The following RAPGEF5 variants were observed in gnomAD, a reference collection of about 807,000 sequenced individuals.
The protein encoded by RAPGEF5 is Rap guanine nucleotide exchange factor 5.
Under a neutral mutation model 125.2 loss-of-function variants are expected in RAPGEF5, and 65 were observed. That is an observed-to-expected ratio of 0.52 (90% CI 0.43 to 0.64). The LOEUF (loss-of-function observed/expected upper bound fraction) is 0.64, where lower values mean the gene tolerates loss of function less well. Ranked by LOEUF, RAPGEF5 falls within the 30% of genes least tolerant of loss-of-function variation. The probability of loss-of-function intolerance (pLI) is 0.00; values close to 1 mark genes in which losing one functional copy is unlikely to be tolerated. For missense variants in RAPGEF5, 958 were observed against 1,048.1 expected, an observed-to-expected ratio of 0.91 and a Z score of 1.19; for synonymous variants, 391 against 385.9, an observed-to-expected ratio of 1.01 and a Z score of -0.16.
At chr7:22,147,544 AT>A (rs1463412234) in intron 18 of RAPGEF5, among the ~76,000 whole-genome samples, 1 of 152,244 alleles carries the variant, frequency 6.6e-6, no homozygotes, top group Non-Finnish European at 1.5e-5. Context: ...TTAACATGAA[AT>A]AAAAAATAGA....
chr7:22,298,894 A>G (rs1373292199), intron 5 of RAPGEF5, among the ~76,000 whole-genome samples: 2 of 152,150 alleles, frequency 1.3e-5, no homozygotes, highest in African/African-American at 4.8e-5. Flanking sequence ...ATGATCACAT[A>G]GTTGTTCATA....
intron 15 of RAPGEF5, 65 bp downstream of exon 15, chr7:22,157,789 CA>C: frequency 6.6e-7 from 1 of 1,514,096 alleles, no homozygotes; most frequent in Non-Finnish European, 9.2e-7. Flanking sequence ...TGAAACACGC[CA>C]AGGGAGGCAA....
At chr7:22,259,928 A>G (rs1356623175) in intron 7 of RAPGEF5, among the ~76,000 whole-genome samples, 2 of 152,184 alleles carry the variant, frequency 1.3e-5, no homozygotes, top group African/African-American at 4.8e-5. Context: ...TACTGAAAAT[A>G]CAAAAATTAC....
At chr7:22,269,667 T>C (rs2128142404) in intron 6 of RAPGEF5, among the ~76,000 whole-genome samples, 1 of 152,368 alleles carries the variant, frequency 6.6e-6, no homozygotes, top group Non-Finnish European at 1.5e-5. Flanking sequence ...GTTAGGTTTA[T>C]ATGAAACTGA....
At chr7:22,167,498 G>GTGT (rs1784208478) in intron 11 of RAPGEF5, among the ~76,000 whole-genome samples, 1 of 152,096 alleles carries the variant, frequency 6.6e-6, no homozygotes, top group African/African-American at 2.4e-5. Context: ...AATTTTACAA[G>GTGT]ACTTCTGAGG....
intron 6 of RAPGEF5, among the ~76,000 whole-genome samples, chr7:22,271,154 C>G (rs749626136): frequency 3.3e-5 from 5 of 152,158 alleles, no homozygotes; most frequent in African/African-American, 4.8e-5. Flanking sequence ...TCAAACTTGA[C>G]TGCACATTAG....
At position 22,337,480 on chromosome 7, in the gene RAPGEF5, C is replaced by T. The variant is rs74465176; in HGVS notation, c.231+19350G>A. ...AACGGCTGATAATTGGTTAACTATA[C>T]CTACATCTTAGCAGAATTCAGGACC... On this transcript the variant is annotated intron_variant, in intron 1 of 25. Transcript: ENST00000665637. 9.7e-3 allele frequency among the ~76,000 whole-genome samples: 1,473 copies of T among 152,276 alleles called. 10 individuals carry two copies. Among genetic ancestry groups the T allele is most frequent in the Non-Finnish European group, 0.015 (1,009 of 68,026 alleles).
intron 8 of RAPGEF5, among the ~76,000 whole-genome samples, chr7:22,224,607 A>G (rs548895135): frequency 6.6e-6 from 1 of 152,092 alleles, no homozygotes; most frequent in Non-Finnish European, 1.5e-5. Flanking sequence ...TCTGCTCCCC[A>G]GTATGGCCCT....
Position 22,286,329 on chromosome 7 carries a change from T to C in RAPGEF5, c.747+4846A>G, listed in dbSNP as rs150425830. 3.3e-3 allele frequency among the ~76,000 whole-genome samples: 500 copies of C among 152,326 alleles called. 4 individuals carry two copies. Among genetic ancestry groups the C allele is most frequent in the African/African-American group, 0.011 (455 of 41,576 alleles). ...CCTCCCACATACCCATCTTACCAAA[T>C]AGGCATCTAATATAAATAATGCACA... On this transcript the variant is annotated intron_variant, in intron 6 of 25. Transcript: ENST00000665637.
At chr7:22,261,101 G>A (rs781084911) in intron 7 of RAPGEF5, among the ~76,000 whole-genome samples, 44 of 152,104 alleles carry the variant, frequency 2.9e-4, no homozygotes, top group African/African-American at 9.4e-4. Context: ...AGTCCTAAAC[G>A]TGAAAAACAA....
At chr7:22,214,658 A>G (rs1283843292) in intron 9 of RAPGEF5, among the ~76,000 whole-genome samples, 1 of 152,064 alleles carries the variant, frequency 6.6e-6, no homozygotes, top group Non-Finnish European at 1.5e-5. Context: ...CGACTGGGCA[A>G]GCACCTTTTC....
At chr7:22,301,774 T>G (rs1783211066) in intron 5 of RAPGEF5, among the ~76,000 whole-genome samples, 1 of 152,226 alleles carries the variant, frequency 6.6e-6, no homozygotes, top group Non-Finnish European at 1.5e-5. Context: ...GAGCTGAATA[T>G]TCCACACAGT....
intron 9 of RAPGEF5, among the ~76,000 whole-genome samples, chr7:22,215,859 A>G (rs1428369011): frequency 1.3e-5 from 2 of 152,212 alleles, no homozygotes; most frequent in African/African-American, 4.8e-5. Flanking sequence ...AACCCCACCT[A>G]ACAATCTGTC....
chr7:22,352,265 T>C (rs1258122284), intron 1 of RAPGEF5, among the ~76,000 whole-genome samples: 1 of 152,054 alleles, frequency 6.6e-6, no homozygotes, highest in Non-Finnish European at 1.5e-5. Flanking sequence ...GTTCTTTTAT[T>C]AGGGGGAAAA....
chr7:22,301,158 A>T (rs532713062), intron 5 of RAPGEF5, among the ~76,000 whole-genome samples: 26 of 152,360 alleles, frequency 1.7e-4, no homozygotes, highest in Middle Eastern at 6.8e-3. Context: ...AGCTGTAATC[A>T]ATACAAGAGA....
At chr7:22,147,672 T>C (rs1783487936) in intron 18 of RAPGEF5, among the ~76,000 whole-genome samples, 1 of 152,238 alleles carries the variant, frequency 6.6e-6, no homozygotes, top group Admixed American at 6.5e-5. Flanking sequence ...AGATATGGCA[T>C]AAAAGTATTA....
chr7:22,159,622 CT>C (rs769481452), intron 14 of RAPGEF5, among the ~76,000 whole-genome samples: 209 of 152,268 alleles, frequency 1.4e-3, no homozygotes, highest in Middle Eastern at 6.8e-3. Context: ...TTGATGTTTT[CT>C]TTTACCAAAA....
At chr7:22,201,738 C>T (rs1171792418) in intron 9 of RAPGEF5, among the ~76,000 whole-genome samples, 2 of 152,200 alleles carry the variant, frequency 1.3e-5, no homozygotes, top group African/African-American at 4.8e-5. Context: ...GTCAATCACA[C>T]AGGTGTTACT....
intron 7 of RAPGEF5, among the ~76,000 whole-genome samples, chr7:22,260,747 T>C (rs1782136126): frequency 6.6e-6 from 1 of 152,106 alleles, no homozygotes; most frequent in African/African-American, 2.4e-5. Context: ...GAGACTTTCA[T>C]GGAACTTGAC....
Sources: gnomAD v4.1 joint callset for allele counts (sites outside exome capture counted in the v4.1 genomes callset) on GRCh38, gnomAD v4.1.1 for gene constraint, MANE v1.5 for transcripts, NCBI Gene and HGNC (gene_info 2026-07-23, HGNC 2026-07-21) for gene names.